UTRN: variants seen among roughly 807,000 people sequenced by gnomAD.
UTRN encodes the protein utrophin, also known as dystrophin-related protein 1.
In UTRN, 283 loss-of-function variants were observed where a neutral mutation model predicts 463.9. The ratio of observed to expected loss-of-function variants is 0.61; its 90% confidence interval spans 0.55 to 0.67. UTRN has a LOEUF of 0.67. UTRN is among the 30% of genes least tolerant of loss of function. The pLI, the probability that UTRN is intolerant of heterozygous loss-of-function variation, is 0.00. For synonymous variants in UTRN, 1,442 were observed against 1,431.5 expected, an observed-to-expected ratio of 1.01 and a Z score of -0.17; for missense variants, 3,922 against 4,084.3, an observed-to-expected ratio of 0.96 and a Z score of 1.08.
rs147821884 is a variant in UTRN, at chr6:144,556,600, A to C, written c.7135-557A>C. Among the ~76,000 whole-genome samples, 5 of 152,370 alleles carry C rather than the reference A, an allele frequency of 3.3e-5. No homozygotes were observed. The East Asian group carries it at 9.6e-4, about 29-fold the overall frequency. ...TTGATCCAGAGACTCTCAGAGGCTG[A>C]AAAACTATGTCAAAGAACCAATGCC... On this transcript the variant is annotated intron_variant, in intron 49 of 74. Coordinates refer to ENST00000367545, the MANE Select transcript of UTRN (RefSeq NM_007124.3).
intron 51 of UTRN, among the ~76,000 whole-genome samples, chr6:144,658,543 C>T (rs1413285761): frequency 2.0e-5 from 3 of 148,434 alleles, no homozygotes; most frequent in Non-Finnish European, 4.5e-5. Flanking sequence ...TTAGGGGTTC[C>T]CCCCCCCACT....
chr6:144,839,263 G>A lies in UTRN; in HGVS notation c.10156G>A (p.Gly3386Ser), dbSNP rs780606289. The A allele has an allele frequency of 2.4e-5, 39 of 1,613,466 alleles. No individual in the cohort carries two copies. The highest frequency in any genetic ancestry group is 3.1e-5 in the Non-Finnish European group (37 of 1,179,874). Residue 3386 changes from glycine (G) to serine (S), a missense_variant, in exon 72 of 75, where the codon GGC becomes AGC. Physicochemically the swap from Gly to Ser is moderately conservative, Grantham distance 56. Coordinates refer to ENST00000367545, the MANE Select transcript of UTRN (RefSeq NM_007124.3). ...LSYSLDPDAS[G>S]PQFHQAAGED... Reference sequence around the variant, plus strand: ...CTACTCGCTTGATCCAGATGCCTCCGGCCCACAGTTCCACCAGGCAGGTCG... The same window carrying A: ...CTACTCGCTTGATCCAGATGCCTCCAGCCCACAGTTCCACCAGGCAGGTCG...
intron 51 of UTRN, among the ~76,000 whole-genome samples, chr6:144,608,804 G>C (rs13203229): frequency 0.16 from 23,867 of 152,188 alleles, 2,103 homozygotes; most frequent in South Asian, 0.28. Context: ...TTTGCTGGCT[G>C]CAATTTGTTT....
intron 2 of UTRN, among the ~76,000 whole-genome samples, chr6:144,344,458 C>G (rs187717158): frequency 3.3e-5 from 5 of 152,358 alleles, no homozygotes; most frequent in Admixed American, 3.3e-4. Flanking sequence ...GCTGCCACGT[C>G]TGTTGTGGAC....
intron 51 of UTRN, among the ~76,000 whole-genome samples, chr6:144,676,462 A>G (rs1049467664): frequency 2.0e-5 from 3 of 152,074 alleles, no homozygotes; most frequent in Admixed American, 1.3e-4. Flanking sequence ...TTGTGTGTGC[A>G]TAAGCCTGAA....
chr6:144,840,861 C>T, intron 73 of UTRN, 29 bp downstream of exon 73: 5 of 1,611,806 alleles, frequency 3.1e-6, no homozygotes, highest in South Asian at 1.1e-5. Context: ...AGCACCACAG[C>T]TGCACGTGTT....
chr6:144,288,901 T>C (rs1036276997), intron 1 of UTRN, among the ~76,000 whole-genome samples: 29 of 152,112 alleles, frequency 1.9e-4, no homozygotes, highest in African/African-American at 7.0e-4. Context: ...GTAGCTGGGA[T>C]TACAGGTGTT....
intron 1 of UTRN, among the ~76,000 whole-genome samples, chr6:144,290,752 C>CTTTTTTTTTTTTTT (rs200477118): frequency 1.0e-5 from 1 of 99,140 alleles, no homozygotes; most frequent in Non-Finnish European, 1.9e-5. Context: ...CCACAATCGT[C>CTTTTTTTTTTTTTT]TTTTTTTTTT....
At chr6:144,832,014 T>C (rs1780713743) in intron 69 of UTRN, among the ~76,000 whole-genome samples, 1 of 152,260 alleles carries the variant, frequency 6.6e-6, no homozygotes, top group Non-Finnish European at 1.5e-5. Flanking sequence ...TAGTGTTTAC[T>C]ATGTGTGACT....
intron 51 of UTRN, among the ~76,000 whole-genome samples, chr6:144,644,303 A>G (rs1778072378): frequency 6.6e-6 from 1 of 152,226 alleles, no homozygotes; most frequent in African/African-American, 2.4e-5. Context: ...TTGGATCCAG[A>G]GATGCAAAAT....
intron 50 of UTRN, among the ~76,000 whole-genome samples, chr6:144,571,992 G>T (rs894054422): frequency 6.6e-6 from 1 of 152,110 alleles, no homozygotes; most frequent in Non-Finnish European, 1.5e-5. Context: ...TCTCATGGAA[G>T]TTTTGTGTTA....
chr6:144,797,152 G>A (rs181352513), intron 63 of UTRN, among the ~76,000 whole-genome samples: 130 of 151,798 alleles, frequency 8.6e-4, no homozygotes, highest in African/African-American at 3.0e-3. Context: ...TAAAATTATC[G>A]GTGAGTCTTT....
At chr6:144,772,911 C>T (rs1586501278) in intron 59 of UTRN, among the ~76,000 whole-genome samples, 2 of 151,408 alleles carry the variant, frequency 1.3e-5, no homozygotes, top group East Asian at 3.9e-4. Context: ...CGAAGCCTCC[C>T]TCTCCCATTT....
intron 51 of UTRN, among the ~76,000 whole-genome samples, chr6:144,663,100 G>A (rs1183218003): frequency 6.6e-6 from 1 of 152,132 alleles, no homozygotes; most frequent in African/African-American, 2.4e-5. Flanking sequence ...TTGCAGGCAG[G>A]AAGTATTATG....
chr6:144,746,687 G>A (rs561175464), intron 54 of UTRN, among the ~76,000 whole-genome samples: 11 of 152,100 alleles, frequency 7.2e-5, no homozygotes, highest in South Asian at 4.2e-4. Flanking sequence ...ATGTTGGCCA[G>A]GCTGGTCTCC....
intron 62 of UTRN, among the ~76,000 whole-genome samples, chr6:144,792,618 G>A (rs1017317338): frequency 6.6e-6 from 1 of 151,902 alleles, no homozygotes; most frequent in African/African-American, 2.4e-5. Context: ...AATAGTTTTA[G>A]AATCCAATAA....
chr6:144,689,916 G>A (rs977032942), intron 52 of UTRN, among the ~76,000 whole-genome samples: 5 of 151,766 alleles, frequency 3.3e-5, no homozygotes, highest in Non-Finnish European at 7.4e-5. Context: ...ATGCTATCAT[G>A]GAGTGAGTCA....
At chr6:144,539,216 A>G in intron 44 of UTRN, 78 bp from the exon 45 acceptor site, 2 of 1,401,052 alleles carry the variant, frequency 1.4e-6, no homozygotes, top group East Asian at 2.4e-5. Context: ...AATAATACCA[A>G]AAAGGTTTCT....
At chr6:144,434,235 C>T (rs188992687) in intron 9 of UTRN, among the ~76,000 whole-genome samples, 2 of 151,240 alleles carry the variant, frequency 1.3e-5, no homozygotes, top group East Asian at 2.0e-4. Flanking sequence ...TGCAGGCACT[C>T]GGCAGGCTGA....
Sources: gnomAD v4.1 joint callset for allele counts (sites outside exome capture counted in the v4.1 genomes callset) on GRCh38, gnomAD v4.1.1 for gene constraint, MANE v1.5 for transcripts, NCBI Gene and HGNC (gene_info 2026-07-23, HGNC 2026-07-21) for gene names.